The following P4HA1 variants were observed in gnomAD, a reference collection of about 807,000 sequenced individuals.
P4HA1 encodes the protein prolyl 4-hydroxylase subunit alpha-1.
P4HA1 carries 24 observed loss-of-function variants against 72.8 expected under a neutral mutation model. The observed-to-expected ratio is 0.33, with a 90% confidence interval of 0.24 to 0.46. The LOEUF (loss-of-function observed/expected upper bound fraction) is 0.46. Among genes scored for constraint, P4HA1 ranks in the 20% least tolerant of loss-of-function variants. The pLI is 1.00. For synonymous variants in P4HA1, 201 were observed against 218.8 expected (o/e 0.92, Z 0.72); for missense variants, 446 against 640.6 (o/e 0.70, Z 3.28).
intron 5 of P4HA1, among the ~76,000 whole-genome samples, chr10:73,056,011 G>C (rs544122641): frequency 6.6e-6 from 1 of 152,296 alleles, no homozygotes; most frequent in Non-Finnish European, 1.5e-5. Flanking sequence ...CTAATAGTGG[G>C]AGGAAGCAGC....
Position 73,007,547 on chromosome 10 carries a change from A to G in P4HA1, c.*675T>C, listed in dbSNP as rs1375685272. 2.6e-5 allele frequency: 4 copies of G among 152,162 alleles called. No homozygotes were observed. The highest frequency in any genetic ancestry group is 7.3e-5 in the African/African-American group (3 of 41,296). The allele number at this position is 152,162 out of a possible 1,614,324, so 9.4% of individuals were successfully genotyped here. On this transcript the variant is annotated 3_prime_UTR_variant, in exon 15 of 15. Coordinates refer to ENST00000394890, the MANE Select transcript of P4HA1 (RefSeq NM_001017962.3). ...CTAAGTGGTGAGCATTTTAGTTAAG[A>G]AGGCCCAGTGTTGTTATGCAGGACT...
chr10:73,071,610 C>T (rs1437053330), intron 4 of P4HA1, among the ~76,000 whole-genome samples: 1 of 152,070 alleles, frequency 6.6e-6, no homozygotes, highest in Non-Finnish European at 1.5e-5. Context: ...TGATTGTCCA[C>T]ATTGAGCAAA....
rs201651550 is a variant in P4HA1 at position 73,069,806 on chromosome 10, G to GTT, written c.326-825_326-824dup. ...TCTTCTCATTAACTTATAATCAACT[G>GTT]TTTTGTTTTTTTTTTTTTGAGACAG... On this transcript the variant is annotated intron_variant, in intron 4 of 14. Transcript: ENST00000394890. 3.4e-3 allele frequency among the ~76,000 whole-genome samples: 506 copies of GTT among 147,408 alleles called. 8 individuals are homozygous for GTT. Among genetic ancestry groups the GTT allele is most frequent in the African/African-American group, 0.012 (475 of 38,770 alleles).
chr10:73,023,287 C>T (rs1351087217), intron 10 of P4HA1, among the ~76,000 whole-genome samples: 1 of 152,210 alleles, frequency 6.6e-6, no homozygotes, highest in Admixed American at 6.5e-5. Context: ...ATCAGACTAA[C>T]AGTGGATCTC....
At chr10:73,070,002 G>A (rs1441426740) in intron 4 of P4HA1, among the ~76,000 whole-genome samples, 2 of 151,716 alleles carry the variant, frequency 1.3e-5, no homozygotes, top group Admixed American at 6.6e-5. Context: ...TAGAGACGGG[G>A]TTTCACCGTG....
intron 13 of P4HA1, 115 bp downstream of exon 13, chr10:73,010,854 T>A: frequency 1.4e-6 from 1 of 721,242 alleles, no homozygotes; most frequent in Non-Finnish European, 2.4e-6. Context: ...CGAGAACAGG[T>A]CTCAAAAAAT....
Position 73,070,335 on chromosome 10 carries a change from T to G in P4HA1, c.326-1352A>C, listed in dbSNP as rs144609961. On this transcript the variant is annotated intron_variant, in intron 4 of 14. Transcript: ENST00000394890. ...CCAGGCCCGGCTAACTTTTATATTT[T>G]TAGTAGAGACGGGTTTTCACCATGT... Among the ~76,000 whole-genome samples, 203 of 151,006 alleles carry G rather than the reference T, an allele frequency of 1.3e-3. 1 individual carries two copies. Among genetic ancestry groups the G allele is most frequent in the Non-Finnish European group, 2.5e-3 (169 of 67,698 alleles).
intron 5 of P4HA1, among the ~76,000 whole-genome samples, chr10:73,064,531 G>A (rs1035918448): frequency 4.0e-5 from 6 of 151,466 alleles, no homozygotes; most frequent in Non-Finnish European, 7.4e-5. Flanking sequence ...GGCACTATAG[G>A]AAAAACATTA....
intron 1 of P4HA1, among the ~76,000 whole-genome samples, chr10:73,091,304 CTTTT>C (rs1041217434): frequency 2.0e-5 from 3 of 151,848 alleles, no homozygotes; most frequent in Non-Finnish European, 2.9e-5. Context: ...GAAATACCAA[CTTTT>C]TTTGTTTTTT....
rs201349506 is a variant in P4HA1, at chr10:73,014,216, C to T, written c.1368+8G>A. The T allele has an allele frequency of 4.8e-5, 76 of 1,592,628 alleles. No homozygotes were observed. In the South Asian group the frequency reaches 5.5e-4, roughly 12 times the overall value. ...CAACTTAATCTAAAAATTTTAGTGACGACTTACATAAAACAGCCATGTAGC... is the reference window on the plus strand; with the variant it reads ...CAACTTAATCTAAAAATTTTAGTGATGACTTACATAAAACAGCCATGTAGC... On this transcript the variant is annotated splice_region_variant and intron_variant, in intron 12 of 14. Coordinates refer to ENST00000394890, the MANE Select transcript of P4HA1 (RefSeq NM_001017962.3).
intron 9 of P4HA1, among the ~76,000 whole-genome samples, chr10:73,039,612 T>C (rs1363385766): frequency 6.6e-6 from 1 of 151,984 alleles, no homozygotes; most frequent in Non-Finnish European, 1.5e-5. Flanking sequence ...CCGCCTGTTT[T>C]ATGTTTTTTA....
intron 3 of P4HA1, among the ~76,000 whole-genome samples, chr10:73,072,967 C>A (rs1841601740): frequency 6.6e-6 from 1 of 151,878 alleles, no homozygotes; most frequent in Non-Finnish European, 1.5e-5. Context: ...GTCAGGAGTT[C>A]GAGACCAGCC....
intron 10 of P4HA1, among the ~76,000 whole-genome samples, chr10:73,022,435 A>C (rs1840158726): frequency 6.6e-6 from 1 of 152,226 alleles, no homozygotes; most frequent in Non-Finnish European, 1.5e-5. Flanking sequence ...ACTAACAGAA[A>C]GGAATAGCAT....
intron 11 of P4HA1, among the ~76,000 whole-genome samples, chr10:73,016,149 T>C (rs1840003954): frequency 6.6e-6 from 1 of 152,180 alleles, no homozygotes; most frequent in Non-Finnish European, 1.5e-5. Flanking sequence ...CCTTGCCATG[T>C]GATCACCCTC....
chr10:73,085,881 T>C (rs940694274), intron 1 of P4HA1, among the ~76,000 whole-genome samples: 2 of 152,178 alleles, frequency 1.3e-5, no homozygotes, highest in Non-Finnish European at 2.9e-5. Context: ...TAGTTCTATC[T>C]ACTTGGGAGA....
At chr10:73,089,257 T>C (rs1841980039) in intron 1 of P4HA1, among the ~76,000 whole-genome samples, 1 of 152,224 alleles carries the variant, frequency 6.6e-6, no homozygotes, top group South Asian at 2.1e-4. Flanking sequence ...TCATTATTAG[T>C]ATATAGAAAT....
intron 1 of P4HA1, among the ~76,000 whole-genome samples, chr10:73,090,025 G>A (rs754440401): frequency 1.4e-4 from 21 of 152,100 alleles, no homozygotes; most frequent in Non-Finnish European, 2.6e-4. Flanking sequence ...GTAGAGACAG[G>A]GTTTTACCAT....
chr10:73,058,227 A>G (rs1252189592), intron 5 of P4HA1, among the ~76,000 whole-genome samples: 1 of 152,024 alleles, frequency 6.6e-6, no homozygotes, highest in Non-Finnish European at 1.5e-5. Flanking sequence ...TTATTAAGAA[A>G]TGGGATGAAA....
At position 73,051,159 on chromosome 10, in the gene P4HA1, T is replaced by G. The variant is rs1446091845; in HGVS notation, c.794A>C (p.Asp265Ala). Residue 265 changes from aspartate (D) to alanine (A), a missense_variant, in exon 7 of 15, where the codon GAC becomes GCC. Physicochemically the swap from Asp to Ala is moderately radical, Grantham distance 126 (BLOSUM62 -2). Coordinates refer to ENST00000394890, the MANE Select transcript of P4HA1 (RefSeq NM_001017962.3). ...TGGTGTAGTTTTCTGATCAGATTGG[T>G]CATCTGAAGCAGACTTATTGACATC... ...EKDVNKSASDDQSDQKTTPKK... is the reference protein window; with the variant it reads ...EKDVNKSASDAQSDQKTTPKK... 1 of 1,610,250 alleles carries G rather than the reference T, an allele frequency of 6.2e-7. No individual in the cohort carries two copies. Among genetic ancestry groups the G allele is most frequent in the Non-Finnish European group, 8.5e-7 (1 of 1,176,630 alleles).
Sources: allele counts gnomAD v4.1 joint callset (sites outside exome capture counted in the v4.1 genomes callset), GRCh38; gene constraint gnomAD v4.1.1; transcripts MANE v1.5; gene names NCBI Gene and HGNC (gene_info 2026-07-23, HGNC 2026-07-21).